Variants in PCDHA3 observed in about 807,000 individuals in gnomAD.
PCDHA3 encodes protocadherin alpha 3, also known as protocadherin alpha-3.
Under a neutral mutation model 62.2 loss-of-function variants are expected in PCDHA3, and 41 were observed. That is an observed-to-expected ratio of 0.66 (90% CI 0.51 to 0.86). The LOEUF (loss-of-function observed/expected upper bound fraction) is 0.86. Ranked by LOEUF, PCDHA3 falls within the 40% of genes least tolerant of loss-of-function variation. The pLI, the probability that PCDHA3 is intolerant of heterozygous loss-of-function variation, is 0.00. For missense variants in PCDHA3, 1,304 were observed against 1,241.2 expected, an observed-to-expected ratio of 1.05 and a Z score of -0.76; for synonymous variants, 640 against 555.4, an observed-to-expected ratio of 1.15 and a Z score of -2.14.
At chr5:140,833,945 ATCTT>A (rs2150125418) in intron 1 of PCDHA3, among the ~76,000 whole-genome samples, 1 of 152,258 alleles carries the variant, frequency 6.6e-6, no homozygotes, top group East Asian at 1.9e-4. Flanking sequence ...TTAGGTTTCT[ATCTT>A]TATTTAAAAC....
At chr5:140,845,811 T>C (rs200141146) in intron 1 of PCDHA3, among the ~76,000 whole-genome samples, 1 of 149,748 alleles carries the variant, frequency 6.7e-6, no homozygotes, top group South Asian at 2.1e-4. Context: ...GATAGGTACA[T>C]AATAAAATTT....
At chr5:140,961,347 T>TTGAGAGACCAA (rs2095606709) in intron 1 of PCDHA3, among the ~76,000 whole-genome samples, 1 of 152,216 alleles carries the variant, frequency 6.6e-6, no homozygotes, top group South Asian at 2.1e-4. Flanking sequence ...AGTGGATCCC[T>TTGAGAGACCAA]GTAGTCCCCA....
chr5:140,859,471 T>TAG, intron 1 of PCDHA3: 1 of 211,266 alleles, frequency 4.7e-6, no homozygotes, highest in Non-Finnish European at 9.2e-6. Context: ...ACACTATCAA[T>TAG]TGTGTTTTCC....
At chr5:140,830,446 G>A in intron 1 of PCDHA3, 2 of 1,603,094 alleles carry the variant, frequency 1.2e-6, no homozygotes, top group Non-Finnish European at 1.7e-6. Flanking sequence ...TGATGGGTAA[G>A]GCGGAGAATC....
At chr5:140,850,202 G>A in intron 1 of PCDHA3, 3 of 1,593,648 alleles carry the variant, frequency 1.9e-6, no homozygotes, top group Non-Finnish European at 2.6e-6. Flanking sequence ...TGACACCTCG[G>A]ATGAGGGGCA....
In PCDHA3 at chr5:140,822,165, CA is replaced by C. The variant is rs1194001940; in HGVS notation, c.2394+18575del. ...TGAAGGACATCAATGACAATCCGCC[CA>C]GGTTCTCCAGACAAGAACAAAGATT... On this transcript the variant is annotated intron_variant, in intron 1 of 3. Coordinates refer to ENST00000522353, the MANE Select transcript of PCDHA3 (RefSeq NM_018906.3). The C allele has an allele frequency of 2.5e-6, 4 of 1,614,120 alleles. No individual in the cohort carries two copies. The African/African-American group carries it at 5.3e-5, about 22-fold the overall frequency.
intron 1 of PCDHA3, chr5:140,877,827 T>C (rs1554170143): frequency 1.2e-6 from 2 of 1,601,676 alleles, no homozygotes; most frequent in Middle Eastern, 1.7e-4. Flanking sequence ...ATTGTTTAAA[T>C]CCTCCCAGTG....
At chr5:140,990,445 A>C (rs1212288513) in intron 3 of PCDHA3, among the ~76,000 whole-genome samples, 2 of 152,140 alleles carry the variant, frequency 1.3e-5, no homozygotes, top group Non-Finnish European at 2.9e-5. Context: ...TTGTGTCCAG[A>C]GCTGTTGCTG....
chr5:140,830,098 G>T, intron 1 of PCDHA3: 1 of 1,613,644 alleles, frequency 6.2e-7, no homozygotes, highest in African/African-American at 1.3e-5. Flanking sequence ...TGGTGTCGCT[G>T]GTGGAGAGTG....
intron 1 of PCDHA3, among the ~76,000 whole-genome samples, chr5:140,937,679 G>A (rs1357548421): frequency 5.9e-5 from 9 of 151,884 alleles, no homozygotes; most frequent in African/African-American, 1.9e-4. Context: ...TTGGGAGGCT[G>A]AGGCAGGCGG....
intron 1 of PCDHA3, chr5:140,858,620 C>G: frequency 1.8e-6 from 2 of 1,142,316 alleles, no homozygotes; most frequent in East Asian, 5.1e-5. Flanking sequence ...TTATCCTACC[C>G]AGTGTGTCAG....
chr5:140,928,132 C>T (rs1563101702), intron 1 of PCDHA3: 1 of 1,614,100 alleles, frequency 6.2e-7, no homozygotes, highest in Non-Finnish European at 8.5e-7. Flanking sequence ...ATACCAAGTC[C>T]TGATCACGGC....
intron 1 of PCDHA3, among the ~76,000 whole-genome samples, chr5:140,941,192 TTTC>T (rs1447153939): frequency 7.0e-5 from 7 of 99,658 alleles, no homozygotes; most frequent in Admixed American, 1.0e-4. Flanking sequence ...CTTCTTTTTT[TTTC>T]TTTCTTCCTT....
At chr5:140,982,217 C>A in intron 2 of PCDHA3, 1 of 507,664 alleles carries the variant, frequency 2.0e-6, no homozygotes, top group Non-Finnish European at 3.1e-6. Flanking sequence ...CGCCACATGG[C>A]GTTAATAAAA....
Position 140,857,753 on chromosome 5 carries a change from G to C in PCDHA3, c.2394+54162G>C, listed in dbSNP as rs782054220. 1.3e-5 allele frequency: 20 copies of C among 1,597,296 alleles called. No individual in the cohort carries two copies. The East Asian group carries it at 4.5e-4, about 36-fold the overall frequency. On this transcript the variant is annotated intron_variant, in intron 1 of 3. Coordinates refer to ENST00000522353, the MANE Select transcript of PCDHA3 (RefSeq NM_018906.3). ...CGCTCCCGCGCTGCTGGCGTCTCCC[G>C]CTGGCAGCGCGGGCGGTGCAGTCAG... is the stretch of plus-strand genomic sequence containing the variant.
At position 140,822,666 on chromosome 5, in the gene PCDHA3, T is replaced by C. The variant is rs1307479306; in HGVS notation, c.2394+19075T>C. On this transcript the variant is annotated intron_variant, in intron 1 of 3. Transcript: ENST00000522353. The stretch of plus-strand genomic sequence containing the variant: ...AGTCCAAATTTATAATTAATTCTAA[T>C]ACTGGTGAAATAAAAGTTAACGGGG... The C allele has an allele frequency of 3.7e-6, 6 of 1,608,450 alleles. No individual in the cohort carries two copies. In the Admixed American group the frequency reaches 1.0e-4, roughly 27 times the overall value.
intron 1 of PCDHA3, chr5:140,968,757 A>G (rs1488596963): frequency 6.2e-7 from 1 of 1,614,204 alleles, no homozygotes; most frequent in Non-Finnish European, 8.5e-7. Flanking sequence ...GTGGTCCGAG[A>G]TAATGGAGAG....
chr5:140,929,715 T>A, intron 1 of PCDHA3: 1 of 230,486 alleles, frequency 4.3e-6, no homozygotes, highest in East Asian at 9.8e-5. Flanking sequence ...ATATGGAAGG[T>A]GAAACATTTA....
chr5:140,887,074 G>T (rs1554182860), intron 1 of PCDHA3, among the ~76,000 whole-genome samples: 2 of 151,506 alleles, frequency 1.3e-5, no homozygotes, highest in Non-Finnish European at 2.9e-5. Flanking sequence ...AATTCACTCA[G>T]CTTTTGTCTG....
Sources: gnomAD v4.1 joint callset for allele counts (sites outside exome capture counted in the v4.1 genomes callset) on GRCh38, gnomAD v4.1.1 for gene constraint, MANE v1.5 for transcripts, NCBI Gene and HGNC (gene_info 2026-07-23, HGNC 2026-07-21) for gene names.